Variants in MKRN1 observed in about 807,000 individuals in gnomAD.
MKRN1 encodes E3 ubiquitin-protein ligase makorin-1.
In MKRN1, 9 loss-of-function variants were observed where a neutral mutation model predicts 55.5. That is an observed-to-expected ratio of 0.16 (90% CI 0.10 to 0.28). The LOEUF is 0.28. Ranked by LOEUF, MKRN1 falls within the 10% of genes least tolerant of loss-of-function variation. MKRN1 has a pLI of 1.00. For synonymous variants in MKRN1, 253 were observed against 235.9 expected, an observed-to-expected ratio of 1.07 and a Z score of -0.66; for missense variants, 488 against 626.7, an observed-to-expected ratio of 0.78 and a Z score of 2.36.
chr7:140,464,051 G>A (rs1794703750), intron 2 of MKRN1, among the ~76,000 whole-genome samples: 1 of 152,010 alleles, frequency 6.6e-6, no homozygotes, highest in Non-Finnish European at 1.5e-5. Context: ...CCAAGTAGCT[G>A]GGATTGCAGA....
At chr7:140,458,884 T>C (rs1794539534) in intron 4 of MKRN1, 123 bp downstream of exon 4, 1 of 1,056,940 alleles carries the variant, frequency 9.5e-7, no homozygotes, top group Non-Finnish European at 1.4e-6. Context: ...AAAGGAAAAC[T>C]TCCCTACTCA....
At chr7:140,456,599 T>G (rs1794472721) in intron 5 of MKRN1, 53 bp downstream of exon 5, 1 of 1,595,772 alleles carries the variant, frequency 6.3e-7, no homozygotes, top group Non-Finnish European at 8.6e-7. Context: ...CACAAGTTAC[T>G]AAATTCTTCC....
intron 2 of MKRN1, among the ~76,000 whole-genome samples, chr7:140,463,606 C>T (rs1794681326): frequency 6.6e-6 from 1 of 152,128 alleles, no homozygotes; most frequent in Admixed American, 6.5e-5. Flanking sequence ...CCAGCCCAGG[C>T]TGGACGCGGT....
chr7:140,470,541 C>T (rs1278311504), intron 2 of MKRN1, among the ~76,000 whole-genome samples: 1 of 148,166 alleles, frequency 6.7e-6, no homozygotes, highest in Non-Finnish European at 1.5e-5. Flanking sequence ...GCCGAAATTG[C>T]GCCACTGCAC....
intron 2 of MKRN1, among the ~76,000 whole-genome samples, chr7:140,470,406 G>T (rs1794891125): frequency 6.6e-6 from 1 of 151,690 alleles, no homozygotes; most frequent in Non-Finnish European, 1.5e-5. Context: ...CCAACATGGT[G>T]AAACTCCGTC....
intron 2 of MKRN1, among the ~76,000 whole-genome samples, chr7:140,466,855 G>GGTGGTGGT (rs1362504575): frequency 6.6e-6 from 1 of 151,354 alleles, no homozygotes; most frequent in African/African-American, 2.4e-5. Flanking sequence ...CTTAGCTGGA[G>GGTGGTGGT]GTGGTGGTTG....
At chr7:140,467,773 C>T (rs1273427870) in intron 2 of MKRN1, among the ~76,000 whole-genome samples, 1 of 151,596 alleles carries the variant, frequency 6.6e-6, no homozygotes, top group African/African-American at 2.4e-5. Context: ...GAGGCTGAGG[C>T]GGGCGGATCA....
Position 140,459,096 on chromosome 7 carries a change from A to T in MKRN1, c.682T>A (p.Cys228Ser). Residue 228 changes from cysteine to serine, a missense_variant, in exon 4 of 8, where the codon TGT becomes AGT. By Grantham distance (112) the Cys-to-Ser change is moderately radical. Around this residue, in one of 2 missense-constraint regions of MKRN1, gnomAD observed 278 missense variants for 406.7 expected, o/e 0.68. Coordinates refer to ENST00000255977, the MANE Select transcript of MKRN1 (RefSeq NM_013446.4). ...AVGECRYGEN[C>S]VYLHGDSCDM... The stretch of plus-strand genomic sequence containing the variant: ...CAAGAATCTCCGTGGAGATACACAC[A>T]GTTCTCCCCGTATCGGCACTCTCCC... The T allele has an allele frequency of 6.2e-7, 1 of 1,613,964 alleles. No homozygotes were observed. Among genetic ancestry groups the T allele is most frequent in the Non-Finnish European group, 8.5e-7 (1 of 1,179,872 alleles).
intron 2 of MKRN1, among the ~76,000 whole-genome samples, chr7:140,463,865 G>A (rs1431929742): frequency 1.3e-5 from 2 of 151,796 alleles, no homozygotes; most frequent in African/African-American, 4.8e-5. Context: ...CTCCAGCCTG[G>A]GCGACAGAGC....
At chr7:140,472,655 T>C (rs974486275) in intron 1 of MKRN1, among the ~76,000 whole-genome samples, 2 of 150,976 alleles carry the variant, frequency 1.3e-5, no homozygotes, top group African/African-American at 4.9e-5. Flanking sequence ...CCCAAAGTGC[T>C]GAGATTACAA....
intron 1 of MKRN1, chr7:140,473,344 A>G: frequency 7.4e-6 from 3 of 407,408 alleles, no homozygotes; most frequent in Non-Finnish European, 1.4e-5. Context: ...TGTGCAGTAA[A>G]AGACAAAATT....
chr7:140,472,900 G>A (rs1281146815), intron 1 of MKRN1, among the ~76,000 whole-genome samples: 1 of 150,968 alleles, frequency 6.6e-6, no homozygotes. Context: ...GATGGATCAC[G>A]AGGTCAGGAG....
At chr7:140,470,155 A>G (rs1794883781) in intron 2 of MKRN1, among the ~76,000 whole-genome samples, 1 of 150,896 alleles carries the variant, frequency 6.6e-6, no homozygotes, top group Non-Finnish European at 1.5e-5. Context: ...CGGGAGGCAG[A>G]GGTTGCAGTG....
intron 5 of MKRN1, 33 bp from the exon 6 acceptor site, chr7:140,455,933 T>C (rs772664450): frequency 3.2e-6 from 5 of 1,567,060 alleles, no homozygotes; most frequent in Non-Finnish European, 4.4e-6. Context: ...CAATGCAAAT[T>C]CCCCTTTTAC....
chr7:140,479,417 G>C lies in MKRN1; in HGVS notation c.-73C>G. On this transcript the variant is annotated 5_prime_UTR_variant, in exon 1 of 8. Transcript: ENST00000255977. ...TAGTTCCGGTCCGGCTGCGGGGAGA[G>C]GACGGCGAGGCCAGGCGAGGGGAGG... 8.0e-7 allele frequency: 1 copy of C among 1,250,212 alleles called. No individual in the cohort carries two copies. The highest frequency in any genetic ancestry group is 1.0e-6 in the Non-Finnish European group (1 of 991,812). The allele number at this position is 1,250,212 out of a possible 1,614,324, so 77.4% of individuals were successfully genotyped here. A position where few individuals can be genotyped will look rare whatever the true frequency, so the allele number is the denominator to read the frequency against.
chr7:140,473,906 C>T (rs1417839547), intron 1 of MKRN1: 1 of 150,562 alleles, frequency 6.6e-6, no homozygotes, highest in Admixed American at 6.7e-5. Context: ...AGAGGAAAAT[C>T]GCTGGAACCC....
At chr7:140,475,435 G>GA (rs1795092951) in intron 1 of MKRN1, 1 of 270,766 alleles carries the variant, frequency 3.7e-6, no homozygotes, top group African/African-American at 2.4e-5. Flanking sequence ...CGAGGCGGGT[G>GA]AAACACTTGA....
At chr7:140,479,516 C>T (rs1795230374), upstream of MKRN1, 4 of 649,970 alleles carry the variant, frequency 6.2e-6, no homozygotes, top group Non-Finnish European at 8.8e-6. Flanking sequence ...GCCACTTCAA[C>T]TGCGGGCCCA....
At chr7:140,479,520 G>A (rs1465124910), upstream of MKRN1, 2 of 617,506 alleles carry the variant, frequency 3.2e-6, no homozygotes, top group Non-Finnish European at 4.7e-6. Context: ...CTTCAACTGC[G>A]GGCCCAGAGC....
Sources: allele counts gnomAD v4.1 joint callset (sites outside exome capture counted in the v4.1 genomes callset), GRCh38; gene constraint gnomAD v4.1.1; regional missense constraint gnomAD v4.1.1; transcripts MANE v1.5; gene names NCBI Gene and HGNC (gene_info 2026-07-23, HGNC 2026-07-21).